Variants in ABHD3 observed in about 807,000 individuals in gnomAD.
ABHD3 encodes phospholipase ABHD3.
ABHD3 carries 46 observed loss-of-function variants against 48.8 expected under a neutral mutation model. That is an observed-to-expected ratio of 0.94 (90% CI 0.74 to 1.20). The LOEUF is 1.20. ABHD3 is among the 50% of genes most tolerant of loss of function. The pLI, the probability that ABHD3 is intolerant of heterozygous loss-of-function variation, is 0.00. For synonymous variants in ABHD3, 192 were observed against 183.7 expected (o/e 1.04, Z -0.36); for missense variants, 490 against 497.8 (o/e 0.98, Z 0.15).
chr18:21,683,816 TTACA>T (rs1164290376), intron 4 of ABHD3, 100 bp downstream of exon 4: 1 of 1,151,462 alleles, frequency 8.7e-7, no homozygotes, highest in Non-Finnish European at 1.2e-6. Flanking sequence ...TTTGTATTGC[TTACA>T]TAAACAGAGT....
At chr18:21,662,938 T>A (rs971538609) in intron 5 of ABHD3, among the ~76,000 whole-genome samples, 7 of 152,182 alleles carry the variant, frequency 4.6e-5, no homozygotes, top group Non-Finnish European at 1.0e-4. Flanking sequence ...TCTCACCCAG[T>A]CCTTTAAGGT....
At chr18:21,674,592 T>C (rs2039833894) in intron 4 of ABHD3, among the ~76,000 whole-genome samples, 1 of 152,160 alleles carries the variant, frequency 6.6e-6, no homozygotes, top group Non-Finnish European at 1.5e-5. Context: ...GGACTGCACC[T>C]ATCAATGTTG....
Position 21,703,613 on chromosome 18 carries a change from G to A in ABHD3, c.297C>T (p.Ile99=). 1.2e-6 allele frequency: 2 copies of A among 1,613,774 alleles called. No individual in the cohort carries two copies. Among genetic ancestry groups the A allele is most frequent in the Non-Finnish European group, 1.7e-6 (2 of 1,179,690 alleles). The change falls in exon 2 of 9, where the codon ATC becomes ATT. Residue 99 remains isoleucine, a synonymous_variant. Transcript: ENST00000289119. ...TGTACTGCACCGGGGGCTTCGAAGT[G>A]ATGAAAGGTCTAAGCAGGGTCTGTC... ...GRGQTLLRPF[I]TSKPPVQYRN... is the part of the protein sequence containing the mutation.
chr18:21,695,656 T>A (rs1238581833), intron 3 of ABHD3, among the ~76,000 whole-genome samples: 1 of 149,842 alleles, frequency 6.7e-6, no homozygotes, highest in African/African-American at 2.4e-5. Context: ...CAATTACTTT[T>A]GCACCAACCT....
chr18:21,678,716 A>T (rs1233960776), intron 4 of ABHD3, among the ~76,000 whole-genome samples: 1 of 152,140 alleles, frequency 6.6e-6, no homozygotes, highest in African/African-American at 2.4e-5. Context: ...CAATCTGCAG[A>T]GTAGAAGAAA....
chr18:21,682,257 A>G (rs1284921204), intron 4 of ABHD3: 1 of 152,250 alleles, frequency 6.6e-6, no homozygotes, highest in African/African-American at 2.4e-5. Context: ...TAAATATTAG[A>G]TAAAATTATC....
chr18:21,663,553 T>C (rs1368318370), intron 5 of ABHD3: 20 of 931,136 alleles, frequency 2.1e-5, no homozygotes, highest in Non-Finnish European at 2.9e-5. Flanking sequence ...GCAGCACAAA[T>C]GACAATATCC....
intron 1 of ABHD3, 80 bp from the exon 2 acceptor site, chr18:21,703,827 T>A: frequency 1.3e-6 from 2 of 1,506,996 alleles, no homozygotes; most frequent in Non-Finnish European, 9.0e-7. Context: ...CAAAGACTTG[T>A]CGCTCGCGCG....
chr18:21,697,353 G>A (rs996746871), intron 3 of ABHD3, among the ~76,000 whole-genome samples: 4 of 151,402 alleles, frequency 2.6e-5, no homozygotes, highest in East Asian at 3.9e-4. Flanking sequence ...GATTATAGGC[G>A]TGAGCTACCG....
intron 8 of ABHD3, among the ~76,000 whole-genome samples, chr18:21,655,310 TAG>T (rs1321647843): frequency 3.0e-4 from 44 of 147,648 alleles, no homozygotes; most frequent in African/African-American, 9.8e-4. Flanking sequence ...TTTTCCAAGA[TAG>T]AGTCTCACTC....
chr18:21,664,435 T>C, intron 4 of ABHD3: 2 of 492,100 alleles, frequency 4.1e-6, no homozygotes, highest in South Asian at 6.4e-5. Flanking sequence ...GAGTTGGCAC[T>C]AACAAAAAGA....
At chr18:21,695,296 C>T (rs949446747) in intron 3 of ABHD3, among the ~76,000 whole-genome samples, 1 of 152,212 alleles carries the variant, frequency 6.6e-6, no homozygotes, top group Non-Finnish European at 1.5e-5. Context: ...TCCCAAAGTG[C>T]TGGGATTATA....
intron 4 of ABHD3, among the ~76,000 whole-genome samples, chr18:21,668,930 T>A (rs2039696780): frequency 1.3e-5 from 2 of 152,130 alleles, no homozygotes; most frequent in Non-Finnish European, 1.5e-5. Flanking sequence ...AATGTTAAAA[T>A]ATGTAAAGCT....
intron 4 of ABHD3, among the ~76,000 whole-genome samples, chr18:21,675,495 CTG>C (rs2039862614): frequency 6.6e-6 from 1 of 151,884 alleles, no homozygotes; most frequent in African/African-American, 2.4e-5. Context: ...TCTTGATCTC[CTG>C]ACCTCGTGAT....
At chr18:21,692,094 C>T (rs756296539) in intron 3 of ABHD3, among the ~76,000 whole-genome samples, 17 of 152,248 alleles carry the variant, frequency 1.1e-4, no homozygotes, top group South Asian at 2.1e-4. Context: ...GGATTACAGG[C>T]GTCCACCACC....
chr18:21,651,835 C>A, intron 8 of ABHD3, 72 bp from the exon 9 acceptor site: 2 of 1,366,806 alleles, frequency 1.5e-6, no homozygotes, highest in South Asian at 1.5e-5. Flanking sequence ...ATGTTTTTGT[C>A]AGGAAAAGCA....
intron 3 of ABHD3, among the ~76,000 whole-genome samples, chr18:21,686,644 C>A (rs2040134753): frequency 6.6e-6 from 1 of 152,158 alleles, no homozygotes; most frequent in Non-Finnish European, 1.5e-5. Context: ...AGGCTTTGAT[C>A]CTAACAGTGT....
intron 4 of ABHD3, chr18:21,683,689 ATATTT>A (rs1455204658): frequency 1.6e-5 from 4 of 243,852 alleles, no homozygotes; most frequent in Non-Finnish European, 2.5e-5. Flanking sequence ...TATATTATAT[ATATTT>A]TATTTATATA....
chr18:21,704,628 C>A lies in ABHD3; in HGVS notation c.38G>T (p.Arg13Leu). 1 of 1,548,700 alleles carries A rather than the reference C, an allele frequency of 6.5e-7. No individual in the cohort carries two copies. The part of the protein sequence containing the change: ...RLAMDLRMLS[R>L]ELSLYLEHQV... The stretch of plus-strand genomic sequence containing the variant: ...GTGTTCCAGGTAGAGGGAGAGCTCC[C>A]GGGACAACATCCGCAGGTCCATGGC... Residue 13 changes from arginine to leucine, a missense_variant, in exon 1 of 9, where the codon CGG (arginine) becomes CTG (leucine). Physicochemically the swap from Arg to Leu is moderately radical, Grantham distance 102. Transcript: ENST00000289119.
Sources: allele counts gnomAD v4.1 joint callset (sites outside exome capture counted in the v4.1 genomes callset), GRCh38; gene constraint gnomAD v4.1.1; transcripts MANE v1.5; gene names NCBI Gene and HGNC (gene_info 2026-07-23, HGNC 2026-07-21).